Variants in CCR3 observed in about 807,000 individuals in gnomAD.
CCR3 encodes C-C motif chemokine receptor 3.
For missense variants in CCR3, 419 were observed against 437.5 expected (o/e 0.96, Z 0.38); for synonymous variants, 203 against 179.2 (o/e 1.13, Z -1.06).
intron 2 of CCR3, among the ~76,000 whole-genome samples, chr3:46,223,445 C>T (rs552511260): frequency 9.2e-5 from 14 of 152,318 alleles, no homozygotes; most frequent in African/African-American, 2.9e-4. Flanking sequence ...CTTTTCTCTC[C>T]AGCTAAATTG....
At chr3:46,228,293 G>T (rs1430525374) in intron 2 of CCR3, among the ~76,000 whole-genome samples, 1 of 151,856 alleles carries the variant, frequency 6.6e-6, no homozygotes, top group Non-Finnish European at 1.5e-5. Context: ...GTTACAAAGA[G>T]AAATTTTTTT....
Position 46,216,259 on chromosome 3 carries a change from C to T in CCR3, c.-68+5352C>T, listed in dbSNP as rs575903444. ...TGCTATGCAACTTTATGTGTTGACA[C>T]GAAACGCCCCCCAGGTTGGAGTGCC... On this transcript the variant is annotated intron_variant, in intron 2 of 3. Transcript: ENST00000357422. Among the ~76,000 whole-genome samples the T allele has an allele frequency of 5.9e-5, 9 of 152,296 alleles. 1 individual carries two copies. In the South Asian group the frequency reaches 1.5e-3, roughly 25 times the overall value.
At chr3:46,252,083 T>A (rs575147190) in intron 1 of CCR3, among the ~76,000 whole-genome samples, 6 of 152,224 alleles carry the variant, frequency 3.9e-5, no homozygotes, top group Non-Finnish European at 7.4e-5. Context: ...CATGTGGTTA[T>A]TTAAATTAAA....
At chr3:46,216,231 G>A (rs928827487) in intron 2 of CCR3, among the ~76,000 whole-genome samples, 2 of 152,204 alleles carry the variant, frequency 1.3e-5, no homozygotes, top group Non-Finnish European at 2.9e-5. Context: ...AGTCCCGCTG[G>A]AATGCTATGC....
intron 2 of CCR3, among the ~76,000 whole-genome samples, chr3:46,228,985 CCT>C (rs1266555093): frequency 6.6e-6 from 1 of 152,192 alleles, no homozygotes; most frequent in East Asian, 1.9e-4. Context: ...CTTTCTTCTT[CCT>C]CTTTCTAGCT....
At chr3:46,263,260 G>T (rs148938625) in intron 1 of CCR3, 11 of 153,406 alleles carry the variant, frequency 7.2e-5, no homozygotes, top group African/African-American at 2.7e-4. Flanking sequence ...AATTAACGGT[G>T]AATACAGGCT....
chr3:46,260,206 C>A (rs1241721084), intron 1 of CCR3, among the ~76,000 whole-genome samples: 1 of 152,194 alleles, frequency 6.6e-6, no homozygotes, highest in African/African-American at 2.4e-5. Flanking sequence ...GTGGGTGTTA[C>A]AATTCGAGAT....
At chr3:46,242,980 C>CATAT (rs758465669) in intron 1 of CCR3, among the ~76,000 whole-genome samples, 1,791 of 98,832 alleles carry the variant, frequency 0.018, 23 homozygotes, top group East Asian at 0.033. Flanking sequence ...TATATATATA[C>CATAT]ACATATATAT....
At chr3:46,232,457 G>C (rs1292247116) in intron 2 of CCR3, among the ~76,000 whole-genome samples, 1 of 152,216 alleles carries the variant, frequency 6.6e-6, no homozygotes, top group Non-Finnish European at 1.5e-5. Context: ...TCTGCAGCCT[G>C]AGGAAGGTTT....
intron 2 of CCR3, among the ~76,000 whole-genome samples, chr3:46,230,577 G>A (rs573156799): frequency 6.6e-6 from 1 of 152,210 alleles, no homozygotes; most frequent in South Asian, 2.1e-4. Context: ...TCACCTCAGT[G>A]CCTCCTCTGT....
chr3:46,227,437 T>C (rs1249202383), intron 2 of CCR3, among the ~76,000 whole-genome samples: 2 of 152,158 alleles, frequency 1.3e-5, no homozygotes, highest in African/African-American at 4.8e-5. Context: ...AAAAACTGGC[T>C]TTTTGTTTCC....
chr3:46,234,458 C>A (rs2125925633), intron 2 of CCR3, among the ~76,000 whole-genome samples: 1 of 152,262 alleles, frequency 6.6e-6, no homozygotes, highest in South Asian at 2.1e-4. Flanking sequence ...TGACCACATA[C>A]CCTTTCAGAG....
At chr3:46,217,275 T>C (rs148297062) in intron 2 of CCR3, among the ~76,000 whole-genome samples, 1 of 152,260 alleles carries the variant, frequency 6.6e-6, no homozygotes, top group East Asian at 1.9e-4. Context: ...CAATCCTAGA[T>C]ATATATGCAC....
upstream of CCR3, among the ~76,000 whole-genome samples, chr3:46,241,162 G>T (rs1324036887): frequency 1.5e-5 from 1 of 66,526 alleles, no homozygotes; most frequent in Non-Finnish European, 2.8e-5. Flanking sequence ...GCACATGTGT[G>T]TGCGCTCTCT....
intron 2 of CCR3, among the ~76,000 whole-genome samples, chr3:46,236,320 A>C (rs916220510): frequency 6.6e-6 from 1 of 152,174 alleles, no homozygotes; most frequent in African/African-American, 2.4e-5. Flanking sequence ...CAGCAGAGAG[A>C]AGAGAAAAGG....
intron 2 of CCR3, among the ~76,000 whole-genome samples, chr3:46,229,334 TC>T (rs1258875425): frequency 6.6e-6 from 1 of 152,212 alleles, no homozygotes; most frequent in African/African-American, 2.4e-5. Flanking sequence ...CTTTACATGA[TC>T]AATGAATACA....
chr3:46,258,335 C>A (rs1472388389), intron 1 of CCR3, among the ~76,000 whole-genome samples: 2 of 152,194 alleles, frequency 1.3e-5, no homozygotes, highest in Non-Finnish European at 2.9e-5. Context: ...TATGCAACTA[C>A]GGTGTGTACA....
At chr3:46,250,950 ATTGGGGTGCAGAGATAAGAGG>A (rs927629221) in intron 1 of CCR3, among the ~76,000 whole-genome samples, 76 of 151,978 alleles carry the variant, frequency 5.0e-4, no homozygotes, top group Admixed American at 1.8e-3. Flanking sequence ...GAAATAAGGG[ATTGGGGTGCAGAGATAAGAGG>A]TTGGGGTGCA....
intron 1 of CCR3, among the ~76,000 whole-genome samples, chr3:46,259,541 C>T (rs1482754367): frequency 6.6e-6 from 1 of 152,052 alleles, no homozygotes; most frequent in Non-Finnish European, 1.5e-5. Flanking sequence ...TATATCTATA[C>T]AAATATAACA....
Sources: allele counts gnomAD v4.1 joint callset (sites outside exome capture counted in the v4.1 genomes callset), GRCh38; gene constraint gnomAD v4.1.1; transcripts MANE v1.5; gene names NCBI Gene and HGNC (gene_info 2026-07-23, HGNC 2026-07-21).